TMEM196: variants seen among roughly 807,000 people sequenced by gnomAD.
The protein encoded by TMEM196 is transmembrane protein 196.
A neutral mutation model predicts 20.0 loss-of-function variants in TMEM196; 17 were observed. That is an observed-to-expected ratio of 0.85 (90% CI 0.58 to 1.27). The LOEUF is 1.27. TMEM196 is among the 50% of genes most tolerant of loss of function. The pLI, the probability that TMEM196 is intolerant of heterozygous loss-of-function variation, is 0.00. For missense variants in TMEM196, 267 were observed against 223.0 expected (o/e 1.20, Z -1.26); for synonymous variants, 113 against 88.9 (o/e 1.27, Z -1.52).
intron 1 of TMEM196, among the ~76,000 whole-genome samples, chr7:19,732,014 A>C (rs1784222188): frequency 6.6e-6 from 1 of 152,338 alleles, no homozygotes; most frequent in South Asian, 2.1e-4. Context: ...ATCTTGGTTG[A>C]AATTTAGCCA....
intron 1 of TMEM196, among the ~76,000 whole-genome samples, chr7:19,743,604 T>C (rs1784652390): frequency 1.3e-5 from 2 of 152,148 alleles, no homozygotes; most frequent in Non-Finnish European, 2.9e-5. Context: ...TTGGAAATAG[T>C]AAGCTAGAAT....
At chr7:19,740,110 C>T (rs1040561542) in intron 1 of TMEM196, among the ~76,000 whole-genome samples, 5 of 152,086 alleles carry the variant, frequency 3.3e-5, no homozygotes, top group Non-Finnish European at 7.4e-5. Context: ...GAAGAGCAGT[C>T]CCAAATGTCA....
intron 1 of TMEM196, among the ~76,000 whole-genome samples, chr7:19,747,260 A>T (rs936084995): frequency 8.1e-6 from 1 of 123,666 alleles, no homozygotes; most frequent in African/African-American, 3.9e-5. Context: ...GTCTCAAAAA[A>T]ATAAATAAAT....
intron 4 of TMEM196, 95 bp downstream of exon 4, chr7:19,724,185 G>A: frequency 1.8e-6 from 2 of 1,128,644 alleles, no homozygotes; most frequent in East Asian, 2.6e-5. Context: ...AACAACATCA[G>A]TTCAGACTGA....
chr7:19,754,083 G>C lies in TMEM196; in HGVS notation c.147+18467C>G, dbSNP rs147179132. 8.9e-4 allele frequency among the ~76,000 whole-genome samples: 136 copies of C among 152,280 alleles called. 1 individual carries two copies. Among genetic ancestry groups the C allele is most frequent in the African/African-American group, 3.2e-3 (132 of 41,556 alleles). ...TTAGTGATAAGGAATGACTACTCTG[G>C]AGTCATACTGACTGGGTTTGCATCA... On this transcript the variant is annotated intron_variant, in intron 1 of 4. Transcript: ENST00000405844.
In TMEM196 at chr7:19,726,536, C is replaced by T. The variant is rs147516810; in HGVS notation, c.205-768G>A. On this transcript the variant is annotated intron_variant, in intron 2 of 4. Transcript: ENST00000405844. ...CATTGAAGAATATACAATAGGCGTT[C>T]CAAAAATACTGTTCGTTTGTTCGTT... Among the ~76,000 whole-genome samples, 28 of 151,934 alleles carry T rather than the reference C, an allele frequency of 1.8e-4. No individual in the cohort carries two copies. The East Asian group carries it at 5.1e-3, about 27-fold the overall frequency.
chr7:19,765,341 T>C (rs913467974), intron 1 of TMEM196, among the ~76,000 whole-genome samples: 107 of 152,260 alleles, frequency 7.0e-4, no homozygotes, highest in Non-Finnish European at 4.0e-4. Flanking sequence ...CTTGGGAGTT[T>C]TACTATTGGT....
intron 3 of TMEM196, among the ~76,000 whole-genome samples, chr7:19,725,255 T>A (rs1783952529): frequency 6.6e-6 from 1 of 152,226 alleles, no homozygotes. Flanking sequence ...TCCATATTTA[T>A]AGGGTATTCA....
chr7:19,769,881 C>T (rs571139404), intron 1 of TMEM196, among the ~76,000 whole-genome samples: 1 of 152,284 alleles, frequency 6.6e-6, no homozygotes, highest in South Asian at 2.1e-4. Flanking sequence ...TCAGCATCCT[C>T]AGATTTTGGT....
At chr7:19,742,033 C>T (rs951412679) in intron 1 of TMEM196, among the ~76,000 whole-genome samples, 2 of 152,110 alleles carry the variant, frequency 1.3e-5, no homozygotes, top group African/African-American at 2.4e-5. Context: ...CCTTTTTAGC[C>T]TTGATGCACA....
chr7:19,751,884 A>G (rs1486078935), intron 1 of TMEM196, among the ~76,000 whole-genome samples: 3 of 152,086 alleles, frequency 2.0e-5, no homozygotes, highest in African/African-American at 7.2e-5. Flanking sequence ...CAATATATAT[A>G]CTCAGGGATT....
Position 19,724,275 on chromosome 7 carries a change from C to T in TMEM196, c.533+5G>A, listed in dbSNP as rs1276904150. On this transcript the variant is annotated splice_donor_5th_base_variant and intron_variant, in intron 4 of 4. Coordinates refer to ENST00000405844, the MANE Select transcript of TMEM196 (RefSeq NM_001363562.2). ...AACATGGTAACTCCCTAGAAATCAG[C>T]GTACCTTGTAGGTAACTCTGGTGTC... 2.6e-6 allele frequency: 4 copies of T among 1,550,216 alleles called. No individual in the cohort carries two copies. Among genetic ancestry groups the T allele is most frequent in the Admixed American group, 2.0e-5 (1 of 50,984 alleles).
Position 19,721,023 on chromosome 7 carries a change from C to A in TMEM196, c.*1105G>T, listed in dbSNP as rs939601346. ...TTATAAATTAATTTTAATTGCTATACATAAATACTATAATCATAGTGAAAT... is the reference window on the plus strand; with the variant it reads ...TTATAAATTAATTTTAATTGCTATAAATAAATACTATAATCATAGTGAAAT... On this transcript the variant is annotated 3_prime_UTR_variant, in exon 5 of 5. Transcript: ENST00000405844. 3 of 151,908 alleles carry A rather than the reference C, an allele frequency of 2.0e-5. No individual in the cohort carries two copies. In the South Asian group the frequency reaches 6.2e-4, roughly 31 times the overall value. 9.4% of individuals were successfully genotyped at this position (151,908 alleles called of 1,614,324 possible).
intron 1 of TMEM196, among the ~76,000 whole-genome samples, chr7:19,757,965 C>CT (rs35641139): frequency 0.088 from 12,564 of 141,974 alleles, 511 homozygotes; most frequent in African/African-American, 0.11. Flanking sequence ...TATATATATA[C>CT]TTTTTTTTTT....
At chr7:19,765,052 ATAAG>A (rs972504478) in intron 1 of TMEM196, among the ~76,000 whole-genome samples, 12 of 152,326 alleles carry the variant, frequency 7.9e-5, no homozygotes, top group Admixed American at 2.6e-4. Context: ...AATTACTTAA[ATAAG>A]TAAGTTCCTT....
intron 1 of TMEM196, among the ~76,000 whole-genome samples, chr7:19,771,324 A>G (rs888275977): frequency 4.6e-5 from 7 of 152,210 alleles, no homozygotes; most frequent in African/African-American, 1.4e-4. Flanking sequence ...ATTCAATGTT[A>G]GGATTGAACA....
At chr7:19,750,594 C>T (rs17141882) in intron 1 of TMEM196, among the ~76,000 whole-genome samples, 23,361 of 151,930 alleles carry the variant, frequency 0.15, 2,185 homozygotes, top group East Asian at 0.42. Context: ...GGTGCTTTAC[C>T]GAGACCAGGC....
chr7:19,755,676 C>A (rs181019049), intron 1 of TMEM196, among the ~76,000 whole-genome samples: 1 of 152,160 alleles, frequency 6.6e-6, no homozygotes, highest in East Asian at 1.9e-4. Flanking sequence ...TATGAATATG[C>A]CAAAAAATAA....
intron 1 of TMEM196, among the ~76,000 whole-genome samples, chr7:19,751,182 T>C (rs542510821): frequency 2.6e-5 from 4 of 152,314 alleles, no homozygotes; most frequent in African/African-American, 9.6e-5. Context: ...ATAGATAGCA[T>C]GATGATTCTG....
Sources: allele counts gnomAD v4.1 joint callset (sites outside exome capture counted in the v4.1 genomes callset), GRCh38; gene constraint gnomAD v4.1.1; transcripts MANE v1.5; gene names NCBI Gene and HGNC (gene_info 2026-07-23, HGNC 2026-07-21).